The following RARB variants were observed in gnomAD, a reference collection of about 807,000 sequenced individuals.
The protein encoded by RARB is HBV-activated protein.
In RARB, 17 loss-of-function variants were observed where a neutral mutation model predicts 51.9. That is an observed-to-expected ratio of 0.33 (90% CI 0.22 to 0.49). The LOEUF is 0.49. Ranked by LOEUF, RARB falls within the 20% of genes least tolerant of loss-of-function variation. RARB has a pLI of 0.99. For missense variants in RARB, 369 were observed against 550.8 expected, an observed-to-expected ratio of 0.67 and a Z score of 3.30; for synonymous variants, 215 against 195.4, an observed-to-expected ratio of 1.10 and a Z score of -0.84.
intron 3 of RARB, among the ~76,000 whole-genome samples, chr3:25,086,198 T>A (rs4858700): frequency 0.73 from 110,386 of 152,080 alleles, 40,652 homozygotes; most frequent in Admixed American, 0.81. Flanking sequence ...TGAATTCTAA[T>A]TAGCCCTGAA....
intron 5 of RARB, among the ~76,000 whole-genome samples, chr3:25,358,455 A>C (rs115308335): frequency 1.3e-5 from 2 of 152,210 alleles, no homozygotes; most frequent in African/African-American, 4.8e-5. Context: ...CTCTCTTCCT[A>C]TTTCAAAACC....
At chr3:25,359,410 T>A (rs1404663778) in intron 5 of RARB, among the ~76,000 whole-genome samples, 2 of 149,716 alleles carry the variant, frequency 1.3e-5, no homozygotes, top group African/African-American at 5.1e-5. Flanking sequence ...TTGTTAATTT[T>A]TTAAAAAAAT....
At chr3:25,554,665 T>G (rs981811243) in intron 3 of RARB, among the ~76,000 whole-genome samples, 1 of 152,066 alleles carries the variant, frequency 6.6e-6, no homozygotes, top group Admixed American at 6.6e-5. Flanking sequence ...GGGCACAGAG[T>G]TGCATAGGTT....
chr3:24,985,195 A>T (rs1696760881), intron 2 of RARB, among the ~76,000 whole-genome samples: 1 of 152,164 alleles, frequency 6.6e-6, no homozygotes, highest in African/African-American at 2.4e-5. Context: ...TCACATACTA[A>T]CTTGTTATCT....
intron 2 of RARB, among the ~76,000 whole-genome samples, chr3:24,994,400 C>A (rs1482925251): frequency 1.3e-5 from 2 of 152,050 alleles, no homozygotes; most frequent in Non-Finnish European, 2.9e-5. Context: ...GGATATTAAT[C>A]CCCTATCAGA....
At chr3:25,456,674 T>G (rs1208068527) in intron 1 of RARB, among the ~76,000 whole-genome samples, 22 of 113,188 alleles carry the variant, frequency 1.9e-4, no homozygotes, top group East Asian at 1.8e-3. Flanking sequence ...TATATATATA[T>G]ATATATATAG....
chr3:24,996,965 T>C (rs941951941), intron 2 of RARB, among the ~76,000 whole-genome samples: 12 of 152,194 alleles, frequency 7.9e-5, no homozygotes, highest in African/African-American at 2.4e-5. Context: ...AAATGTCTTT[T>C]AGGTCCATTT....
rs1474267711 is a variant in RARB, at chr3:25,259,570, C to T, written c.178+84995C>T. Among the ~76,000 whole-genome samples, 3 of 152,240 alleles carry T rather than the reference C, an allele frequency of 2.0e-5. No homozygotes were observed. The East Asian group carries it at 5.8e-4, about 30-fold the overall frequency. ...CTACAGCAGAGCATTGCAGTTCTTC[C>T]TCCCATCTACTGACTGGACTTCACA... On this transcript the variant is annotated intron_variant, in intron 5 of 11. Transcript: ENST00000383772.
rs151216960 is a variant in RARB at position 25,176,524 on chromosome 3, T to G, written c.178+1949T>G. Among the ~76,000 whole-genome samples, 794 of 151,170 alleles carry G rather than the reference T, an allele frequency of 5.3e-3. 11 individuals carry two copies. Among genetic ancestry groups the G allele is most frequent in the African/African-American group, 0.017 (698 of 41,094 alleles). On this transcript the variant is annotated intron_variant, in intron 5 of 11. Coordinates refer to the RARB transcript ENST00000383772. ...GTTTCTCCCACCTCAACCCTCTGAG[T>G]GACTGGGACTACAGGCACGCACCAC... is the stretch of plus-strand genomic sequence containing the variant.
At chr3:24,955,636 T>C (rs544621267) in intron 2 of RARB, among the ~76,000 whole-genome samples, 1 of 152,346 alleles carries the variant, frequency 6.6e-6, no homozygotes, top group African/African-American at 2.4e-5. Context: ...TATTTCCATG[T>C]GGAATCCCAG....
chr3:25,041,793 T>A (rs758275518), intron 2 of RARB, among the ~76,000 whole-genome samples: 15 of 152,102 alleles, frequency 9.9e-5, no homozygotes, highest in Non-Finnish European at 1.3e-4. Flanking sequence ...TAATTGAGAA[T>A]GGAGTTGGAA....
intron 1 of RARB, among the ~76,000 whole-genome samples, chr3:24,838,975 G>A (rs1429880056): frequency 2.7e-5 from 4 of 150,836 alleles, no homozygotes; most frequent in Non-Finnish European, 5.9e-5. Context: ...AACAAAAGAA[G>A]CACCAAAACC....
chr3:25,158,789 C>T (rs1700421453), intron 4 of RARB, among the ~76,000 whole-genome samples: 1 of 152,192 alleles, frequency 6.6e-6, no homozygotes, highest in Non-Finnish European at 1.5e-5. Flanking sequence ...CGTAGGAAGG[C>T]TGTGCTCCAT....
intron 3 of RARB, among the ~76,000 whole-genome samples, chr3:25,556,270 A>G (rs1464058213): frequency 6.6e-6 from 1 of 152,188 alleles, no homozygotes; most frequent in Non-Finnish European, 1.5e-5. Flanking sequence ...TATATTGAGA[A>G]ACTGATAAGT....
At chr3:24,897,630 A>G (rs1409032051) in intron 2 of RARB, among the ~76,000 whole-genome samples, 2 of 152,316 alleles carry the variant, frequency 1.3e-5, no homozygotes, top group East Asian at 1.9e-4. Context: ...TGATAACTTT[A>G]CGTGGTGGTT....
At chr3:25,577,372 A>G (rs1700981876) in intron 4 of RARB, among the ~76,000 whole-genome samples, 1 of 152,152 alleles carries the variant, frequency 6.6e-6, no homozygotes, top group Non-Finnish European at 1.5e-5. Flanking sequence ...CAAGCCCTAG[A>G]AAAAGGGGTG....
intron 2 of RARB, among the ~76,000 whole-genome samples, chr3:25,479,150 GTCTT>G (rs1368297471): frequency 2.0e-5 from 3 of 146,360 alleles, no homozygotes; most frequent in Admixed American, 6.9e-5. Context: ...CTGTCTGTCT[GTCTT>G]CTTTTTTTTT....
chr3:25,448,633 A>G (rs1286974194), intron 1 of RARB, among the ~76,000 whole-genome samples: 1 of 152,020 alleles, frequency 6.6e-6, no homozygotes, highest in East Asian at 1.9e-4. Flanking sequence ...ACACCCAGCT[A>G]ATTTTGTATT....
At chr3:25,196,012 C>A (rs1233347925) in intron 5 of RARB, among the ~76,000 whole-genome samples, 1 of 151,842 alleles carries the variant, frequency 6.6e-6, no homozygotes, top group Non-Finnish European at 1.5e-5. Flanking sequence ...TTTAAAAATT[C>A]TTCGTGGTCA....
Sources: gnomAD v4.1 joint callset for allele counts (sites outside exome capture counted in the v4.1 genomes callset) on GRCh38, gnomAD v4.1.1 for gene constraint, MANE v1.5 for transcripts, NCBI Gene and HGNC (gene_info 2026-07-23, HGNC 2026-07-21) for gene names.